EIF3L: variants seen among roughly 807,000 people sequenced by gnomAD.
EIF3L encodes eukaryotic translation initiation factor 3 subunit L.
A neutral mutation model predicts 74.6 loss-of-function variants in EIF3L; 32 were observed. The ratio of observed to expected loss-of-function variants is 0.43; its 90% CI spans 0.32 to 0.58. The LOEUF is 0.58. Among genes scored for constraint, EIF3L ranks in the 20% least tolerant of loss-of-function variants. The pLI is 0.06. For synonymous variants in EIF3L, 256 were observed against 254.4 expected (o/e 1.01, Z -0.06); for missense variants, 474 against 707.8 (o/e 0.67, Z 3.75).
chr22:37,878,954 T>G (rs538174320), intron 11 of EIF3L: 1 of 150,120 alleles, frequency 6.7e-6, no homozygotes, highest in Non-Finnish European at 1.5e-5. Context: ...TGGTTTTTTT[T>G]TTTTTTTTTT....
chr22:37,882,837 TA>T (rs1218344486), intron 11 of EIF3L: 5 of 150,942 alleles, frequency 3.3e-5, no homozygotes, highest in Non-Finnish European at 7.4e-5. Flanking sequence ...CCATCTCTAC[TA>T]AAAATACAAA....
chr22:37,876,069 C>G, intron 10 of EIF3L, 58 bp downstream of exon 10: 1 of 1,546,134 alleles, frequency 6.5e-7, no homozygotes, highest in Non-Finnish European at 8.8e-7. Flanking sequence ...TCCTTGGCAC[C>G]TATGCCAACC....
At chr22:37,873,591 C>CCT in intron 8 of EIF3L, among the ~76,000 whole-genome samples, 1 of 152,096 alleles carries the variant, frequency 6.6e-6, no homozygotes, top group East Asian at 1.9e-4. Flanking sequence ...CCGCTCCCGA[C>CCT]CTATGTATCA....
At chr22:37,866,875 T>C (rs1304801877) in intron 7 of EIF3L, among the ~76,000 whole-genome samples, 6 of 151,980 alleles carry the variant, frequency 3.9e-5, no homozygotes, top group Admixed American at 3.9e-4. Flanking sequence ...CCAGAATCAG[T>C]GTACAGTGGA....
At chr22:37,853,301 G>C (rs1925329112) in intron 3 of EIF3L, among the ~76,000 whole-genome samples, 1 of 152,218 alleles carries the variant, frequency 6.6e-6, no homozygotes, top group Admixed American at 6.5e-5. Flanking sequence ...AGAAGAGAGG[G>C]AGGCAAGTTT....
At chr22:37,872,421 G>T (rs1183585258) in intron 8 of EIF3L, among the ~76,000 whole-genome samples, 2 of 152,070 alleles carry the variant, frequency 1.3e-5, no homozygotes, top group Admixed American at 1.3e-4. Context: ...ACTGCGCCTG[G>T]CCATGTGTGA....
Position 37,858,670 on chromosome 22 carries a change from C to T in EIF3L, c.374-9C>T. 6.2e-7 allele frequency: 1 copy of T among 1,610,354 alleles called. No homozygotes were observed. The highest frequency in any genetic ancestry group is 2.2e-5 in the East Asian group (1 of 44,850). ...GGTTAGTGAAGCACCCTTCTGCCATCTCTTTCAGATGCTGTCTTCCTGATT... is the reference window on the plus strand; with the variant it reads ...GGTTAGTGAAGCACCCTTCTGCCATTTCTTTCAGATGCTGTCTTCCTGATT... On this transcript the variant is annotated splice_polypyrimidine_tract_variant and intron_variant, in intron 4 of 12. Transcript: ENST00000652021.
chr22:37,872,790 T>G (rs1425214775), intron 8 of EIF3L, among the ~76,000 whole-genome samples: 1 of 151,754 alleles, frequency 6.6e-6, no homozygotes. Context: ...GGCTGATTTT[T>G]TTTTCTTTTT....
intron 11 of EIF3L, chr22:37,885,252 T>C (rs1434811367): frequency 6.6e-6 from 1 of 152,036 alleles, no homozygotes; most frequent in Non-Finnish European, 1.5e-5. Flanking sequence ...CTGACATATA[T>C]ACGTTCTTTG....
chr22:37,857,166 C>T (rs975449863), intron 4 of EIF3L, among the ~76,000 whole-genome samples: 1 of 151,740 alleles, frequency 6.6e-6, no homozygotes, highest in African/African-American at 2.4e-5. Flanking sequence ...TCGAGACCAT[C>T]CTGGCTAACA....
At chr22:37,871,328 G>A (rs1926458686) in intron 8 of EIF3L, 1 of 152,014 alleles carries the variant, frequency 6.6e-6, no homozygotes. Context: ...AGTATGTATG[G>A]GTTGAATATT....
At chr22:37,862,603 G>T (rs571074120) in intron 5 of EIF3L, among the ~76,000 whole-genome samples, 1 of 152,272 alleles carries the variant, frequency 6.6e-6, no homozygotes, top group African/African-American at 2.4e-5. Flanking sequence ...GTCTAGTGAT[G>T]CCCGGTGCAG....
chr22:37,876,140 G>T, intron 10 of EIF3L, 129 bp downstream of exon 10: 2 of 983,612 alleles, frequency 2.0e-6, no homozygotes, highest in Non-Finnish European at 2.9e-6. Flanking sequence ...AGACTGTAGA[G>T]CGCTCTGTGA....
In EIF3L at chr22:37,888,471, TCA is replaced by T. The variant is rs1927435024; in HGVS notation, c.*14_*15del. ...GATGGGACAGAGACCTTGATGATATTCACACACATTCAGGAACCTGTTTTGAT... is the reference window on the plus strand; with the variant it reads ...GATGGGACAGAGACCTTGATGATATTCACACATTCAGGAACCTGTTTTGAT... On this transcript the variant is annotated 3_prime_UTR_variant, in exon 13 of 13. Transcript: ENST00000652021. The T allele has an allele frequency of 1.9e-6, 3 of 1,613,312 alleles. No individual in the cohort carries two copies. Among genetic ancestry groups the T allele is most frequent in the African/African-American group, 2.7e-5 (2 of 74,912 alleles).
chr22:37,870,542 T>G (rs1470876431), intron 8 of EIF3L, among the ~76,000 whole-genome samples, 195 bp downstream of exon 8: 1 of 152,162 alleles, frequency 6.6e-6, no homozygotes, highest in Non-Finnish European at 1.5e-5. Context: ...TGGGAGTCCA[T>G]TGGCCAACAG....
intron 5 of EIF3L, among the ~76,000 whole-genome samples, chr22:37,859,042 G>C (rs1925697210): frequency 6.6e-6 from 1 of 151,548 alleles, no homozygotes; most frequent in African/African-American, 2.4e-5. Flanking sequence ...CCAGGTACCT[G>C]CTGCTGCTTC....
chr22:37,858,665 G>C lies in EIF3L; in HGVS notation c.374-14G>C. ...TTTATGGTTAGTGAAGCACCCTTCT[G>C]CCATCTCTTTCAGATGCTGTCTTCC... On this transcript the variant is annotated splice_polypyrimidine_tract_variant and intron_variant, in intron 4 of 12. Transcript: ENST00000652021. 2 of 1,609,400 alleles carry C rather than the reference G, an allele frequency of 1.2e-6. No homozygotes were observed. Among genetic ancestry groups the C allele is most frequent in the Non-Finnish European group, 1.7e-6 (2 of 1,178,526 alleles).
At chr22:37,854,107 TAAG>T in intron 3 of EIF3L, among the ~76,000 whole-genome samples, 1 of 152,358 alleles carries the variant, frequency 6.6e-6, no homozygotes, top group East Asian at 1.9e-4. Flanking sequence ...GCTGGTGCCT[TAAG>T]AAGTATGTTT....
chr22:37,862,142 T>C (rs540826629), intron 5 of EIF3L, among the ~76,000 whole-genome samples: 1 of 152,220 alleles, frequency 6.6e-6, no homozygotes, highest in Admixed American at 6.6e-5. Context: ...AGCTATATAA[T>C]CTTACTTCAT....
Sources: gnomAD v4.1 joint callset for allele counts (sites outside exome capture counted in the v4.1 genomes callset) on GRCh38, gnomAD v4.1.1 for gene constraint, MANE v1.5 for transcripts, NCBI Gene and HGNC (gene_info 2026-07-23, HGNC 2026-07-21) for gene names.